VPS13A: variants seen among roughly 807,000 people sequenced by gnomAD.
The protein encoded by VPS13A is vacuolar protein sorting 13 homolog A, also known as intermembrane lipid transfer protein VPS13A.
Under a neutral mutation model 390.9 loss-of-function variants are expected in VPS13A, and 264 were observed. The observed-to-expected ratio is 0.68, with a 90% confidence interval of 0.61 to 0.75. The LOEUF (loss-of-function observed/expected upper bound fraction) is 0.75. Among genes scored for constraint, VPS13A ranks in the 30% least tolerant of loss-of-function variants. The pLI is 0.00. For synonymous variants in VPS13A, 1,231 were observed against 1,227.1 expected (o/e 1.00, Z -0.07); for missense variants, 3,409 against 3,733.9 (o/e 0.91, Z 2.27).
Position 77,321,633 on chromosome 9 carries a change from C to T in VPS13A, c.5717C>T (p.Ser1906Leu). The change falls in exon 44 of 72, where the codon TCA becomes TTA. Residue 1906 changes from serine (S) to leucine (L), a missense_variant. Physicochemically the swap from Ser to Leu is moderately radical, Grantham distance 145. Coordinates refer to ENST00000360280, the MANE Select transcript of VPS13A (RefSeq NM_033305.3). ...FSVLNIPMAK[S>L]YVLKNGESLS... is the part of the protein sequence containing the mutation. ...GTACTCAACATTCCTATGGCAAAAT[C>T]ATATGTATTGAAAAATGGAGAAAGT... is the stretch of plus-strand genomic sequence containing the variant. 6.2e-7 allele frequency: 1 copy of T among 1,613,354 alleles called. No individual in the cohort carries two copies. Among genetic ancestry groups the T allele is most frequent in the Non-Finnish European group, 8.5e-7 (1 of 1,179,564 alleles).
chr9:77,243,730 A>G (rs1381466633), intron 19 of VPS13A, among the ~76,000 whole-genome samples: 1 of 152,202 alleles, frequency 6.6e-6, no homozygotes, highest in African/African-American at 2.4e-5. Flanking sequence ...AATGATCAGA[A>G]TGGATGTAGT....
intron 1 of VPS13A, among the ~76,000 whole-genome samples, chr9:77,195,724 G>A (rs1393456663): frequency 1.3e-5 from 2 of 151,856 alleles, no homozygotes; most frequent in Non-Finnish European, 2.9e-5. Context: ...GCGACACAGC[G>A]AGACTCCGTC....
chr9:77,398,939 T>C (rs897823850), intron 68 of VPS13A, among the ~76,000 whole-genome samples: 4 of 140,836 alleles, frequency 2.8e-5, no homozygotes, highest in African/African-American at 1.1e-4. Flanking sequence ...ACACCACATA[T>C]TCTCACTCAT....
intron 1 of VPS13A, among the ~76,000 whole-genome samples, chr9:77,195,719 A>T (rs1323528798): frequency 6.6e-6 from 1 of 152,174 alleles, no homozygotes; most frequent in Non-Finnish European, 1.5e-5. Flanking sequence ...CCTGGGCGAC[A>T]CAGCGAGACT....
chr9:77,263,530 G>A (rs574373493), intron 23 of VPS13A, among the ~76,000 whole-genome samples: 92 of 152,124 alleles, frequency 6.0e-4, no homozygotes, highest in African/African-American at 2.0e-3. Flanking sequence ...TTTGTTGGCC[G>A]CATAAATGTC....
chr9:77,208,993 T>A (rs1393347764), intron 5 of VPS13A, among the ~76,000 whole-genome samples: 1 of 152,226 alleles, frequency 6.6e-6, no homozygotes, highest in Non-Finnish European at 1.5e-5. Flanking sequence ...TTGTATTTAC[T>A]GGGGGAGGAG....
At chr9:77,337,658 A>G in intron 47 of VPS13A, 121 bp downstream of exon 47, 1 of 953,364 alleles carries the variant, frequency 1.0e-6, no homozygotes. Context: ...AGTAAAGAAT[A>G]GGTAATGCAG....
At chr9:77,226,643 A>G in intron 15 of VPS13A, 45 bp downstream of exon 15, 1 of 1,588,342 alleles carries the variant, frequency 6.3e-7, no homozygotes. Context: ...CTGGGTGTCA[A>G]AATAAAGTTT....
intron 33 of VPS13A, among the ~76,000 whole-genome samples, chr9:77,296,560 C>G (rs1297866219): frequency 6.6e-6 from 1 of 152,162 alleles, no homozygotes; most frequent in Non-Finnish European, 1.5e-5. Flanking sequence ...TTCTCTACTT[C>G]TCTTTAGCTT....
At position 77,250,109 on chromosome 9, in the gene VPS13A, AGTC is replaced by A. The variant is rs1460221387; in HGVS notation, c.2053_2055del (p.Arg685del). ...AATTAACTTGAAGGTGACGAGTAAA[AGTC>A]GTTCTGAATTACCAGATGTGAAACA... On this transcript the variant is annotated inframe_deletion, in exon 21 of 72. Transcript: ENST00000360280. 6.2e-7 allele frequency: 1 copy of A among 1,613,864 alleles called. No homozygotes were observed. The highest frequency in any genetic ancestry group is 8.5e-7 in the Non-Finnish European group (1 of 1,179,900).
intron 1 of VPS13A, among the ~76,000 whole-genome samples, chr9:77,187,805 G>A (rs139341842): frequency 4.0e-4 from 61 of 152,092 alleles, no homozygotes; most frequent in African/African-American, 1.4e-3. Context: ...AAATTATTTT[G>A]TCACCCAGGT....
intron 1 of VPS13A, among the ~76,000 whole-genome samples, chr9:77,191,439 G>T (rs1343352781): frequency 6.6e-6 from 1 of 151,758 alleles, no homozygotes; most frequent in Non-Finnish European, 1.5e-5. Flanking sequence ...GGGACTGCAG[G>T]TGTGCACTCC....
rs935779240 is a variant in VPS13A at position 77,337,180 on chromosome 9, TC to T, written c.6096-74del. The T allele has an allele frequency of 6.1e-4, 852 of 1,385,828 alleles. 6 individuals are homozygous for T. Among genetic ancestry groups the T allele is most frequent in the Middle Eastern group, 5.8e-3 (23 of 3,936 alleles). The allele number at this position is 1,385,828 out of a possible 1,614,324, so 85.8% of individuals were successfully genotyped here. A position where few individuals can be genotyped will look rare whatever the true frequency, so the allele number is the denominator to read the frequency against. On this transcript the variant is annotated intron_variant, in intron 46 of 71. Coordinates refer to ENST00000360280, the MANE Select transcript of VPS13A (RefSeq NM_033305.3). ...TTATGAAAGGAGGTAAGTTTGTTAT[TC>T]TAAAGCTGTAATTATATAGTTTAAT...
chr9:77,275,632 A>G lies in VPS13A; in HGVS notation c.2647A>G (p.Ile883Val). Residue 883 changes from isoleucine (I) to valine (V), a missense_variant, in exon 25 of 72, where the codon ATA (isoleucine) becomes GTA (valine). By Grantham distance (29) the Ile-to-Val change is conservative. Transcript: ENST00000360280. ...DCSVNMTTFKIRFEVPKVLIE... is the reference protein window; with the variant it reads ...DCSVNMTTFKVRFEVPKVLIE... ...TTCAGTAAATATGACTACATTTAAA[A>G]TAAGATTTGAAGTACCAAAGGTAGG... The G allele has an allele frequency of 6.2e-7, 1 of 1,613,578 alleles. No homozygotes were observed. Among genetic ancestry groups the G allele is most frequent in the African/African-American group, 1.3e-5 (1 of 75,046 alleles).
intron 67 of VPS13A, among the ~76,000 whole-genome samples, chr9:77,372,392 C>T (rs192545403): frequency 7.9e-5 from 12 of 152,234 alleles, no homozygotes; most frequent in East Asian, 1.9e-4. Flanking sequence ...TTGCATTTCT[C>T]GGATGGCCAG....
In VPS13A at chr9:77,177,682, C is replaced by T. The variant is rs757258613; in HGVS notation, c.-23C>T. The T allele has an allele frequency of 1.9e-6, 3 of 1,609,526 alleles. No homozygotes were observed. Among genetic ancestry groups the T allele is most frequent in the Non-Finnish European group, 2.5e-6 (3 of 1,177,228 alleles). On this transcript the variant is annotated 5_prime_UTR_variant, in exon 1 of 72. Coordinates refer to ENST00000360280, the MANE Select transcript of VPS13A (RefSeq NM_033305.3). ...GAGGAGGAGCGCACGGGCCGGCTGC[C>T]GTGCCCACCACGGCTGAGGAACATG...
chr9:77,200,024 G>A, intron 2 of VPS13A, 36 bp downstream of exon 2: 4 of 1,514,540 alleles, frequency 2.6e-6, no homozygotes, highest in Non-Finnish European at 3.7e-6. Flanking sequence ...TAAAGTTATT[G>A]CATTTAATTA....
chr9:77,320,643 A>G (rs869241), intron 42 of VPS13A, among the ~76,000 whole-genome samples: 2 of 151,714 alleles, frequency 1.3e-5, no homozygotes, highest in Non-Finnish European at 2.9e-5. Flanking sequence ...GATGAAGGAT[A>G]TGAAAAGGAA....
chr9:77,286,909 CT>C (rs1827354823), intron 31 of VPS13A, among the ~76,000 whole-genome samples: 1 of 152,040 alleles, frequency 6.6e-6, no homozygotes. Flanking sequence ...AAAATAACCA[CT>C]TTTTAACATG....
Sources: gnomAD v4.1 joint callset for allele counts (sites outside exome capture counted in the v4.1 genomes callset) on GRCh38, gnomAD v4.1.1 for gene constraint, MANE v1.5 for transcripts, NCBI Gene and HGNC (gene_info 2026-07-23, HGNC 2026-07-21) for gene names.